The following EPM2A variants were observed in gnomAD, a reference collection of about 807,000 sequenced individuals.
EPM2A encodes the protein laforin.
EPM2A carries 21 observed loss-of-function variants against 26.5 expected under a neutral mutation model. The observed-to-expected ratio is 0.79, with a 90% CI of 0.56 to 1.14. EPM2A has a LOEUF of 1.14. EPM2A is among the 50% of genes most tolerant of loss of function. The pLI, the probability that EPM2A is intolerant of heterozygous loss-of-function variation, is 0.00. For synonymous variants in EPM2A, 217 were observed against 177.6 expected, an observed-to-expected ratio of 1.22 and a Z score of -1.76; for missense variants, 458 against 440.8, an observed-to-expected ratio of 1.04 and a Z score of -0.35.
chr6:145,474,435 C>G, intron 4 of EPM2A, among the ~76,000 whole-genome samples: 1 of 152,106 alleles, frequency 6.6e-6, no homozygotes, highest in Non-Finnish European at 1.5e-5. Flanking sequence ...GCACTCCAAC[C>G]TGGGTGACAG....
intron 2 of EPM2A, among the ~76,000 whole-genome samples, chr6:145,615,472 A>T (rs1225691532): frequency 6.6e-6 from 1 of 152,024 alleles, no homozygotes; most frequent in South Asian, 2.1e-4. Flanking sequence ...AGACTAATAC[A>T]GTAAATTGGG....
intron 1 of EPM2A, among the ~76,000 whole-genome samples, chr6:145,714,638 A>T (rs1264001723): frequency 2.6e-5 from 4 of 152,244 alleles, no homozygotes; most frequent in African/African-American, 9.6e-5. Context: ...TTGGACTTAC[A>T]GTTCCATGTG....
intron 4 of EPM2A, among the ~76,000 whole-genome samples, chr6:145,480,716 T>A (rs1779602870): frequency 6.6e-6 from 1 of 152,130 alleles, no homozygotes; most frequent in Non-Finnish European, 1.5e-5. Context: ...TCTTTTCAAT[T>A]GTATCTGACA....
chr6:145,426,538 A>G (rs572468794), intron 4 of EPM2A, among the ~76,000 whole-genome samples: 30 of 152,350 alleles, frequency 2.0e-4, no homozygotes, highest in African/African-American at 5.8e-4. Context: ...TAGAAGAAAA[A>G]TAATGTCAAA....
At chr6:145,434,403 T>C (rs939145091) in intron 4 of EPM2A, among the ~76,000 whole-genome samples, 1 of 152,038 alleles carries the variant, frequency 6.6e-6, no homozygotes, top group Non-Finnish European at 1.5e-5. Flanking sequence ...GTCTAATCTG[T>C]TGATTAAACC....
Position 145,627,688 on chromosome 6 carries a change from C to T in EPM2A, c.724G>A (p.Val242Ile). 1 of 1,614,080 alleles carries T rather than the reference C, an allele frequency of 6.2e-7. No homozygotes were observed. The highest frequency in any genetic ancestry group is 8.5e-7 in the Non-Finnish European group (1 of 1,180,026). Residue 242 changes from valine (V) to isoleucine (I), a missense_variant, in exon 4 of 4, where the codon GTA becomes ATA. Coordinates refer to ENST00000367519, the MANE Select transcript of EPM2A (RefSeq NM_005670.4). ...CACACCGCCTGGGGCAGCATCTGTA[C>T]TCGGCCTGCGGTGGGGAAAGCACAG... ...PTPDMSTEGRVQMLPQAVCLL... is the reference protein window; with the variant it reads ...PTPDMSTEGRIQMLPQAVCLL...
chr6:145,408,025 C>T (rs1350942851), intron 4 of EPM2A, among the ~76,000 whole-genome samples: 1 of 152,156 alleles, frequency 6.6e-6, no homozygotes, highest in Non-Finnish European at 1.5e-5. Context: ...ATGAAACTTA[C>T]TTCCTCATCT....
intron 1 of EPM2A, among the ~76,000 whole-genome samples, chr6:145,691,589 T>A (rs1418357539): frequency 6.6e-6 from 1 of 152,116 alleles, no homozygotes; most frequent in African/African-American, 2.4e-5. Flanking sequence ...CTGATGCTAT[T>A]CTACATGTAT....
chr6:145,635,196 AG>A (rs765363627), intron 3 of EPM2A, 48 bp downstream of exon 3: 11 of 1,609,760 alleles, frequency 6.8e-6, no homozygotes, highest in South Asian at 1.1e-5. Flanking sequence ...ACAGACAGCA[AG>A]GGTTTCTCTG....
intron 4 of EPM2A, among the ~76,000 whole-genome samples, chr6:145,434,401 T>G (rs926456824): frequency 6.6e-6 from 1 of 152,078 alleles, no homozygotes; most frequent in Non-Finnish European, 1.5e-5. Flanking sequence ...CTGTCTAATC[T>G]GTTGATTAAA....
intron 2 of EPM2A, among the ~76,000 whole-genome samples, chr6:145,552,116 C>T (rs373778): frequency 0.48 from 72,751 of 151,316 alleles, 17,464 homozygotes; most frequent in South Asian, 0.61. Flanking sequence ...GAGAAGATAG[C>T]GACAAGGGCT....
At chr6:145,656,486 T>C (rs1285930167) in intron 2 of EPM2A, among the ~76,000 whole-genome samples, 1 of 152,214 alleles carries the variant, frequency 6.6e-6, no homozygotes, top group African/African-American at 2.4e-5. Context: ...AAAATTAACA[T>C]GCATCATTAA....
intron 4 of EPM2A, among the ~76,000 whole-genome samples, chr6:145,402,845 TA>T (rs1207275809): frequency 6.6e-6 from 1 of 152,182 alleles, no homozygotes; most frequent in Non-Finnish European, 1.5e-5. Context: ...AAATCTACTT[TA>T]TATCTCTACA....
At chr6:145,674,693 T>C (rs1048100854) in intron 2 of EPM2A, among the ~76,000 whole-genome samples, 3 of 151,880 alleles carry the variant, frequency 2.0e-5, no homozygotes, top group Non-Finnish European at 4.4e-5. Context: ...ATATTAGTGA[T>C]TGAAGATCAA....
intron 2 of EPM2A, among the ~76,000 whole-genome samples, chr6:145,648,698 G>T (rs1214534892): frequency 6.6e-6 from 1 of 152,134 alleles, no homozygotes; most frequent in Non-Finnish European, 1.5e-5. Flanking sequence ...GAATCATTTT[G>T]TCTAGGCACT....
At chr6:145,433,734 TA>T (rs1778950971) in intron 4 of EPM2A, among the ~76,000 whole-genome samples, 2 of 152,176 alleles carry the variant, frequency 1.3e-5, no homozygotes, top group Admixed American at 6.5e-5. Flanking sequence ...ATACATTGAA[TA>T]AAACAATATT....
In EPM2A at chr6:145,626,366, T is replaced by G; in HGVS notation, c.*1050A>C. ...GGCTGTGAAGCAATTATCCATGGAT[T>G]TGGTCATTTGGGCTCTTTTGGTAGT... On this transcript the variant is annotated 3_prime_UTR_variant, in exon 4 of 4. Transcript: ENST00000367519. 1.0e-6 allele frequency: 1 copy of G among 986,006 alleles called. No homozygotes were observed. The highest frequency in any genetic ancestry group is 1.7e-5 in the African/African-American group (1 of 57,344). The allele number at this position is 986,006 out of a possible 1,614,324, so 61.1% of individuals were successfully genotyped here. A position where few individuals can be genotyped will look rare whatever the true frequency, so the allele number is the denominator to read the frequency against.
chr6:145,551,516 G>A (rs1158044165), intron 2 of EPM2A, among the ~76,000 whole-genome samples: 2 of 151,918 alleles, frequency 1.3e-5, no homozygotes, highest in Admixed American at 1.3e-4. Flanking sequence ...GACACTGGAT[G>A]AAAGAAAAAA....
intron 2 of EPM2A, among the ~76,000 whole-genome samples, chr6:145,533,983 A>C (rs1562372950): frequency 6.6e-6 from 1 of 152,152 alleles, no homozygotes; most frequent in Non-Finnish European, 1.5e-5. Flanking sequence ...TGAATGAATA[A>C]AGATAGTTCT....
Sources: allele counts gnomAD v4.1 joint callset (sites outside exome capture counted in the v4.1 genomes callset), GRCh38; gene constraint gnomAD v4.1.1; transcripts MANE v1.5; gene names NCBI Gene and HGNC (gene_info 2026-07-23, HGNC 2026-07-21).